The following GRHL1 variants were observed in gnomAD, a reference collection of about 807,000 sequenced individuals.
GRHL1 encodes grainyhead-like protein 1 homolog.
Under a neutral mutation model 75.7 loss-of-function variants are expected in GRHL1, and 38 were observed. The observed-to-expected ratio is 0.50, with a 90% CI of 0.39 to 0.66. The LOEUF (loss-of-function observed/expected upper bound fraction) is 0.66. Ranked by LOEUF, GRHL1 falls within the 30% of genes least tolerant of loss-of-function variation. The pLI is 0.00. For missense variants in GRHL1, 589 were observed against 767.5 expected (o/e 0.77, Z 2.75); for synonymous variants, 266 against 279.4 (o/e 0.95, Z 0.48).
intron 8 of GRHL1, among the ~76,000 whole-genome samples, chr2:9,977,175 A>G (rs938368429): frequency 1.3e-5 from 2 of 152,174 alleles, no homozygotes; most frequent in Non-Finnish European, 2.9e-5. Context: ...GGGCACTGTT[A>G]TGTATTTATA....
At chr2:9,981,882 G>T (rs376742319) in intron 8 of GRHL1, among the ~76,000 whole-genome samples, 2 of 152,214 alleles carry the variant, frequency 1.3e-5, no homozygotes, top group Non-Finnish European at 2.9e-5. Flanking sequence ...GCTTTGTCCT[G>T]TGGTTCAGAG....
At chr2:9,980,815 C>T (rs1041706903) in intron 8 of GRHL1, among the ~76,000 whole-genome samples, 5 of 152,190 alleles carry the variant, frequency 3.3e-5, no homozygotes, top group South Asian at 4.1e-4. Context: ...TTTAAGTGTG[C>T]GTGCATTCCT....
chr2:9,958,975 C>T, intron 3 of GRHL1, 119 bp downstream of exon 3: 1 of 1,388,368 alleles, frequency 7.2e-7, no homozygotes. Context: ...GTAAGTTGGA[C>T]TCTTACTATC....
chr2:9,971,857 T>G (rs1667739251), intron 8 of GRHL1, among the ~76,000 whole-genome samples: 1 of 152,218 alleles, frequency 6.6e-6, no homozygotes, highest in African/African-American at 2.4e-5. Flanking sequence ...GCTGCTGTTC[T>G]GGGGGTGATT....
intron 3 of GRHL1, chr2:9,959,691 T>A (rs1005359775): frequency 6.6e-6 from 1 of 152,360 alleles, no homozygotes; most frequent in Admixed American, 6.5e-5. Flanking sequence ...ATGACCAGCC[T>A]CAACAGTTAT....
chr2:9,959,086 C>G (rs1667160554), intron 3 of GRHL1: 2 of 401,962 alleles, frequency 5.0e-6, no homozygotes, highest in Admixed American at 8.5e-5. Flanking sequence ...CACTAACATT[C>G]TCCTCCTCCA....
chr2:9,954,230 G>A (rs539573430), intron 1 of GRHL1, among the ~76,000 whole-genome samples: 1 of 152,124 alleles, frequency 6.6e-6, no homozygotes, highest in African/African-American at 2.4e-5. Context: ...TTCATTTATT[G>A]TTGGATATCC....
chr2:9,956,525 CAAA>C (rs141637245), intron 2 of GRHL1, among the ~76,000 whole-genome samples: 2 of 143,642 alleles, frequency 1.4e-5, no homozygotes, highest in African/African-American at 5.0e-5. Context: ...GACCCTATCT[CAAA>C]AAAAAAAAAT....
chr2:9,991,738 A>G (rs896472404), intron 10 of GRHL1, among the ~76,000 whole-genome samples: 3 of 152,246 alleles, frequency 2.0e-5, no homozygotes, highest in African/African-American at 7.2e-5. Context: ...CTCTGTCGCA[A>G]ATCTTCTGTG....
At position 9,964,027 on chromosome 2, in the gene GRHL1, C is replaced by T; in HGVS notation, c.888C>T (p.Pro296=). The change falls in exon 6 of 16, where the codon CCC becomes CCT. Residue 296 remains proline, a synonymous_variant. Transcript: ENST00000324907. The part of the protein sequence containing the change: ...EVSSSEGIHH[P]ISKVRSVIMV... ...GCAGCAGTGAAGGAATCCATCATCC[C>T]ATCAGCAAAGTTCGAGTAAGTTCTG... 6.2e-7 allele frequency: 1 copy of T among 1,613,678 alleles called. No individual in the cohort carries two copies. The highest frequency in any genetic ancestry group is 1.1e-5 in the South Asian group (1 of 90,994).
chr2:9,984,073 GA>G (rs1269987055), intron 8 of GRHL1, among the ~76,000 whole-genome samples: 6 of 152,226 alleles, frequency 3.9e-5, no homozygotes, highest in Admixed American at 2.0e-4. Flanking sequence ...AGAATCGCTT[GA>G]ACCCGGGAGG....
intron 14 of GRHL1, among the ~76,000 whole-genome samples, chr2:9,997,682 G>T (rs373202696): frequency 6.6e-6 from 1 of 151,932 alleles, no homozygotes; most frequent in Non-Finnish European, 1.5e-5. Context: ...AATTAGCCAG[G>T]CTTGGTGGCA....
At chr2:9,983,056 C>T (rs1021940861) in intron 8 of GRHL1, among the ~76,000 whole-genome samples, 1 of 152,162 alleles carries the variant, frequency 6.6e-6, no homozygotes, top group African/African-American at 2.4e-5. Flanking sequence ...TGTGGCTCCC[C>T]TTGTAGACTT....
intron 8 of GRHL1, among the ~76,000 whole-genome samples, chr2:9,974,616 A>G (rs1176732821): frequency 6.6e-6 from 1 of 152,168 alleles, no homozygotes; most frequent in Non-Finnish European, 1.5e-5. Flanking sequence ...CAAAAGCAAA[A>G]CACTTCCTCA....
At chr2:9,965,709 T>C in intron 8 of GRHL1, 1 of 276,070 alleles carries the variant, frequency 3.6e-6, no homozygotes, top group Non-Finnish European at 6.8e-6. Flanking sequence ...CCTCCCTCTA[T>C]TGAAGGAGGT....
intron 8 of GRHL1, among the ~76,000 whole-genome samples, chr2:9,977,745 C>T (rs946745491): frequency 1.3e-5 from 2 of 152,198 alleles, no homozygotes; most frequent in South Asian, 2.1e-4. Context: ...CTCCGCCCTC[C>T]GTGTCCTTGA....
intron 7 of GRHL1, 198 bp downstream of exon 7, chr2:9,964,544 G>A: frequency 4.0e-6 from 2 of 500,858 alleles, no homozygotes; most frequent in Non-Finnish European, 7.1e-6. Context: ...AATGGGACAT[G>A]TGCCCACGTG....
At chr2:9,955,797 C>G (rs540490216) in intron 2 of GRHL1, among the ~76,000 whole-genome samples, 1 of 152,220 alleles carries the variant, frequency 6.6e-6, no homozygotes, top group Non-Finnish European at 1.5e-5. Flanking sequence ...GGTCCATGGC[C>G]GAGGCCACTG....
At chr2:9,984,248 C>T (rs970349707) in intron 8 of GRHL1, among the ~76,000 whole-genome samples, 5 of 152,162 alleles carry the variant, frequency 3.3e-5, no homozygotes, top group African/African-American at 1.2e-4. Flanking sequence ...CAGTGACACC[C>T]AGTGCTGCTT....
Sources: allele counts gnomAD v4.1 joint callset (sites outside exome capture counted in the v4.1 genomes callset), GRCh38; gene constraint gnomAD v4.1.1; transcripts MANE v1.5; gene names NCBI Gene and HGNC (gene_info 2026-07-23, HGNC 2026-07-21).